Variants in NFYC observed in about 807,000 individuals in gnomAD.
NFYC encodes the protein CAAT box DNA-binding protein subunit C.
NFYC carries 25 observed loss-of-function variants against 53.1 expected under a neutral mutation model. The ratio of observed to expected loss-of-function variants is 0.47; its 90% CI spans 0.34 to 0.66. The LOEUF (loss-of-function observed/expected upper bound fraction) is 0.66. Ranked by LOEUF, NFYC falls within the 30% of genes least tolerant of loss-of-function variation. The pLI is 0.01. For missense variants in NFYC, 260 were observed against 422.7 expected (o/e 0.62, Z 3.38); for synonymous variants, 145 against 152.6 (o/e 0.95, Z 0.37).
At chr1:40,752,246 A>C (rs1231487385) in intron 4 of NFYC, among the ~76,000 whole-genome samples, 1 of 152,138 alleles carries the variant, frequency 6.6e-6, no homozygotes, top group Non-Finnish European at 1.5e-5. Context: ...TCCATCCTTC[A>C]AGTAATCTGT....
At chr1:40,748,274 G>C (rs1645723538) in intron 3 of NFYC, among the ~76,000 whole-genome samples, 1 of 152,018 alleles carries the variant, frequency 6.6e-6, no homozygotes, top group Non-Finnish European at 1.5e-5. Context: ...TGGGACTACA[G>C]GCACGTGCCA....
chr1:40,724,932 T>C (rs561541761), intron 1 of NFYC, among the ~76,000 whole-genome samples: 3 of 152,372 alleles, frequency 2.0e-5, no homozygotes, highest in African/African-American at 7.2e-5. Context: ...GGTTTTCCAG[T>C]AGGCACTTTG....
chr1:40,735,546 TGGG>T, intron 1 of NFYC: 1 of 964,692 alleles, frequency 1.0e-6, no homozygotes, highest in Non-Finnish European at 1.2e-6. Context: ...TGTAATGTTT[TGGG>T]GGGATATCAG....
intron 1 of NFYC, chr1:40,709,537 G>A (rs921388609): frequency 6.6e-6 from 1 of 152,166 alleles, no homozygotes; most frequent in African/African-American, 2.4e-5. Flanking sequence ...CGTCCTTTGG[G>A]GGGTAGGGAT....
chr1:40,750,260 C>G (rs564842491), intron 4 of NFYC, among the ~76,000 whole-genome samples: 27 of 152,176 alleles, frequency 1.8e-4, no homozygotes, highest in African/African-American at 5.1e-4. Context: ...AGCCCTGGCT[C>G]TTAGAGGAAA....
intron 7 of NFYC, among the ~76,000 whole-genome samples, chr1:40,764,835 A>C (rs974289234): frequency 2.0e-5 from 3 of 152,234 alleles, no homozygotes; most frequent in African/African-American, 7.2e-5. Flanking sequence ...GGGACGGATC[A>C]TCACCAAATG....
chr1:40,721,459 A>G (rs1199617783), intron 1 of NFYC: 2 of 152,088 alleles, frequency 1.3e-5, no homozygotes, highest in African/African-American at 2.4e-5. Flanking sequence ...GGTTTCCTCT[A>G]CCCTCTAACA....
rs76641714 is a variant in NFYC at position 40,741,486 on chromosome 1, G to C, written c.105+2538G>C. On this transcript the variant is annotated intron_variant, in intron 2 of 9. Transcript: ENST00000447388. Reference sequence around the variant, plus strand: ...AACTTAACAATAGCTTTATCAGGATGTAACCCCATTGTAAGTAGAACAACA... The same window carrying C: ...AACTTAACAATAGCTTTATCAGGATCTAACCCCATTGTAAGTAGAACAACA... Among the ~76,000 whole-genome samples, 503 of 152,214 alleles carry C rather than the reference G, an allele frequency of 3.3e-3. 3 individuals are homozygous for C. Among genetic ancestry groups the C allele is most frequent in the African/African-American group, 0.011 (437 of 41,520 alleles).
intron 1 of NFYC, among the ~76,000 whole-genome samples, chr1:40,707,153 G>A (rs1337967650): frequency 6.6e-6 from 1 of 151,374 alleles, no homozygotes; most frequent in Non-Finnish European, 1.5e-5. Flanking sequence ...CTAGGTGACA[G>A]AGGGAGACTC....
At chr1:40,766,993 C>A (rs755895509) in intron 8 of NFYC, 2 of 1,551,132 alleles carry the variant, frequency 1.3e-6, no homozygotes, top group African/African-American at 2.7e-5. Flanking sequence ...ACCCATCAGA[C>A]CTGGGAAATG....
chr1:40,718,707 A>AATAG (rs1644226900), intron 1 of NFYC, among the ~76,000 whole-genome samples: 1 of 152,214 alleles, frequency 6.6e-6, no homozygotes, highest in Non-Finnish European at 1.5e-5. Context: ...ATTTTTTCCA[A>AATAG]ATAGATATGT....
At chr1:40,703,548 T>C (rs1297791221) in intron 1 of NFYC, among the ~76,000 whole-genome samples, 2 of 150,904 alleles carry the variant, frequency 1.3e-5, no homozygotes, top group Non-Finnish European at 1.5e-5. Flanking sequence ...CCCTCTTCAG[T>C]TGGAGCTGTG....
At chr1:40,766,452 G>GTT in intron 7 of NFYC, 144 bp from the exon 8 acceptor site, 1 of 626,548 alleles carries the variant, frequency 1.6e-6, no homozygotes, top group South Asian at 2.0e-5. Flanking sequence ...TTTGACCTCT[G>GTT]TTTAAAAGGG....
intron 1 of NFYC, among the ~76,000 whole-genome samples, chr1:40,700,964 A>G (rs1643406090): frequency 6.6e-6 from 1 of 152,218 alleles, no homozygotes; most frequent in African/African-American, 2.4e-5. Context: ...ACAGTCTTAA[A>G]CATGGGGCTG....
chr1:40,723,553 G>C, intron 1 of NFYC: 1 of 152,222 alleles, frequency 6.6e-6, no homozygotes, highest in East Asian at 1.9e-4. Context: ...TGTGATCTAG[G>C]ACCAGCTTCT....
chr1:40,698,286 C>A (rs1241714764), intron 1 of NFYC, among the ~76,000 whole-genome samples: 1 of 151,540 alleles, frequency 6.6e-6, no homozygotes, highest in Admixed American at 6.6e-5. Flanking sequence ...TCGCTCGAAC[C>A]CAGAGGCGGA....
chr1:40,766,619 G>A lies in NFYC; in HGVS notation c.744G>A (p.Leu248=). The part of the protein sequence containing the change: ...QIPVQLNAGQ[L]QYIRLAQPVS... ...AGGTGCAGCTGAATGCCGGCCAGCT[G>A]CAGTATATCCGCTTAGCCCAGCCTG... Residue 248 remains leucine (L), a synonymous_variant, in exon 8 of 10, where the codon CTG becomes CTA. Transcript: ENST00000447388. The A allele has an allele frequency of 1.2e-6, 2 of 1,614,092 alleles. No individual in the cohort carries two copies. Among genetic ancestry groups the A allele is most frequent in the Non-Finnish European group, 1.7e-6 (2 of 1,180,000 alleles).
intron 4 of NFYC, 41 bp from the exon 5 acceptor site, chr1:40,753,110 C>T (rs1646007363): frequency 6.8e-7 from 1 of 1,465,220 alleles, no homozygotes; most frequent in Admixed American, 1.7e-5. Flanking sequence ...GAACTAGTTT[C>T]TCCCCAGGCT....
At chr1:40,765,752 T>C (rs823681) in intron 7 of NFYC, among the ~76,000 whole-genome samples, 133,683 of 152,234 alleles carry the variant, frequency 0.88, 58,811 homozygotes, top group East Asian at 0.98. Flanking sequence ...AGTTCTCTGA[T>C]GTGGTAACCG....
Sources: gnomAD v4.1 joint callset for allele counts (sites outside exome capture counted in the v4.1 genomes callset) on GRCh38, gnomAD v4.1.1 for gene constraint, MANE v1.5 for transcripts, NCBI Gene and HGNC (gene_info 2026-07-23, HGNC 2026-07-21) for gene names.